The following RPN1 variants were observed in gnomAD, a reference collection of about 807,000 sequenced individuals.
RPN1 encodes the protein ribophorin I.
A neutral mutation model predicts 55.5 loss-of-function variants in RPN1; 12 were observed. The ratio of observed to expected loss-of-function variants is 0.22; its 90% CI spans 0.14 to 0.35. The LOEUF (loss-of-function observed/expected upper bound fraction) is 0.35. RPN1 is among the 10% of genes least tolerant of loss of function. The probability of loss-of-function intolerance (pLI) is 1.00; values close to 1 mark genes in which losing one functional copy is unlikely to be tolerated. For missense variants in RPN1, 679 were observed against 761.3 expected (o/e 0.89, Z 1.27); for synonymous variants, 317 against 305.9 (o/e 1.04, Z -0.38).
At chr3:128,642,959 G>A (rs972261569) in intron 2 of RPN1, among the ~76,000 whole-genome samples, 1 of 151,920 alleles carries the variant, frequency 6.6e-6, no homozygotes, top group African/African-American at 2.4e-5. Context: ...GGAGGTTGCA[G>A]TGAGCCGAGA....
chr3:128,631,544 C>G (rs990481291), intron 4 of RPN1, among the ~76,000 whole-genome samples: 2 of 151,716 alleles, frequency 1.3e-5, no homozygotes, highest in African/African-American at 4.8e-5. Context: ...GAGTTCAAGA[C>G]CAGCCTGGCC....
intron 4 of RPN1, among the ~76,000 whole-genome samples, chr3:128,631,319 CA>C (rs1213956584): frequency 6.8e-6 from 1 of 147,820 alleles, no homozygotes; most frequent in Non-Finnish European, 1.5e-5. Flanking sequence ...ACTAAAAATA[CA>C]AAAAAAAATT....
intron 3 of RPN1, among the ~76,000 whole-genome samples, chr3:128,637,100 T>C (rs1025204797): frequency 1.3e-5 from 2 of 151,970 alleles, no homozygotes; most frequent in Non-Finnish European, 2.9e-5. Flanking sequence ...TAACTGGGCA[T>C]GGTGACGCAC....
intron 1 of RPN1, among the ~76,000 whole-genome samples, 187 bp downstream of exon 1, chr3:128,650,352 CG>C (rs1038221132): frequency 6.6e-6 from 1 of 152,148 alleles, no homozygotes; most frequent in African/African-American, 2.4e-5. Context: ...GCGGAGGCGC[CG>C]GGGCCCCTGG....
chr3:128,624,046 C>A (rs1466018401), intron 8 of RPN1, among the ~76,000 whole-genome samples: 1 of 151,972 alleles, frequency 6.6e-6, no homozygotes, highest in Non-Finnish European at 1.5e-5. Context: ...GCCCCCGCCC[C>A]CCCGCATCTC....
At chr3:128,634,752 G>A (rs978568683) in intron 3 of RPN1, among the ~76,000 whole-genome samples, 4 of 151,788 alleles carry the variant, frequency 2.6e-5, no homozygotes, top group African/African-American at 7.3e-5. Context: ...TAGTAGAGAC[G>A]GGGTTTCACC....
chr3:128,631,158 C>T (rs1239063980), intron 4 of RPN1, among the ~76,000 whole-genome samples: 8 of 149,460 alleles, frequency 5.4e-5, no homozygotes, highest in Admixed American at 4.7e-4. Flanking sequence ...TGGTGGCTCA[C>T]GCCTGTAATC....
intron 1 of RPN1, among the ~76,000 whole-genome samples, chr3:128,648,712 TC>T (rs2069788451): frequency 6.6e-6 from 1 of 152,180 alleles, no homozygotes. Context: ...AGCACATATA[TC>T]CATTTAACTG....
At chr3:128,636,403 G>T (rs1204011933) in intron 3 of RPN1, among the ~76,000 whole-genome samples, 2 of 151,618 alleles carry the variant, frequency 1.3e-5, no homozygotes, top group Non-Finnish European at 2.9e-5. Flanking sequence ...AGAGGTTGCG[G>T]TTAGCTGAGA....
intron 1 of RPN1, among the ~76,000 whole-genome samples, chr3:128,645,578 G>C (rs1045441679): frequency 7.9e-5 from 12 of 152,136 alleles, no homozygotes; most frequent in Non-Finnish European, 1.8e-4. Flanking sequence ...CAACACTTTG[G>C]GAGGCTGAGG....
chr3:128,648,855 C>T (rs1261965273), intron 1 of RPN1, among the ~76,000 whole-genome samples: 1 of 152,196 alleles, frequency 6.6e-6, no homozygotes, highest in Non-Finnish European at 1.5e-5. Flanking sequence ...TGTGAGAACA[C>T]ACAACTTACG....
At chr3:128,636,018 A>C (rs1401244740) in intron 3 of RPN1, among the ~76,000 whole-genome samples, 5 of 152,068 alleles carry the variant, frequency 3.3e-5, no homozygotes, top group African/African-American at 1.2e-4. Flanking sequence ...TTGTTATATG[A>C]TTTTGTTACA....
At chr3:128,642,386 T>C (rs1363101556) in intron 2 of RPN1, 1 of 152,058 alleles carries the variant, frequency 6.6e-6, no homozygotes, top group Non-Finnish European at 1.5e-5. Flanking sequence ...AAGACAACTA[T>C]GAAGATAACA....
rs2069755847 is a variant in RPN1, at chr3:128,644,969, ATCT to A, written c.273_275del (p.Glu91del). The stretch of plus-strand genomic sequence containing the variant: ...GTACTTCCAAATTGTTCTCTTCCTC[ATCT>A]TCTCCCTTTACCTACAACAGAAAAA... On this transcript the variant is annotated inframe_deletion, in exon 2 of 10. Transcript: ENST00000296255. The A allele has an allele frequency of 2.5e-6, 4 of 1,573,732 alleles. No homozygotes were observed. The highest frequency in any genetic ancestry group is 2.2e-5 in the East Asian group (1 of 44,700).
chr3:128,646,424 T>C (rs1367859655), intron 1 of RPN1, among the ~76,000 whole-genome samples: 2 of 152,184 alleles, frequency 1.3e-5, no homozygotes, highest in East Asian at 3.9e-4. Flanking sequence ...GGCTCACGCC[T>C]GTAATCCCAG....
At chr3:128,634,645 T>C (rs886505973) in intron 3 of RPN1, among the ~76,000 whole-genome samples, 1 of 150,556 alleles carries the variant, frequency 6.6e-6, no homozygotes, top group African/African-American at 2.4e-5. Context: ...TCACTGCAAC[T>C]TCCACCTCCC....
rs762675522 is a variant in RPN1, at chr3:128,632,138, T to C, written c.653A>G (p.Tyr218Cys). The change falls in exon 4 of 10, where the codon TAT becomes TGT. Residue 218 changes from tyrosine (Y) to cysteine (C), a missense_variant. Physicochemically the swap from Tyr to Cys is radical, Grantham distance 194 (BLOSUM62 -2). Transcript: ENST00000296255. ...GGTCAGGAAAGGGCTGTTGTTCTCA[T>C]AATGTACTTTAAAAGTATCCTGGAA... ...AYSQDTFKVH[Y>C]ENNSPFLTIT... 1 of 1,614,200 alleles carries C rather than the reference T, an allele frequency of 6.2e-7. No individual in the cohort carries two copies. The highest frequency in any genetic ancestry group is 1.1e-5 in the South Asian group (1 of 91,088).
intron 5 of RPN1, among the ~76,000 whole-genome samples, chr3:128,629,561 C>CA (rs997164452): frequency 5.9e-5 from 9 of 151,264 alleles, no homozygotes; most frequent in South Asian, 2.1e-4. Flanking sequence ...GATTCCGTCT[C>CA]AAAAAAAAGA....
Position 128,625,637 on chromosome 3 carries a change from T to C in RPN1, c.1292A>G (p.Asn431Ser), listed in dbSNP as rs2069592904. Residue 431 changes from asparagine to serine, a missense_variant, in exon 8 of 10, where the codon AAC becomes AGC. Coordinates refer to ENST00000296255, the MANE Select transcript of RPN1 (RefSeq NM_002950.4). ...IQDIVVHYTF[N>S]KVLMLQEPLL... ...GGGCTCCTGCAGCATGAGCACCTTGTTGAACGTGTAGTGGACCTGGGAGAA... is the reference window on the plus strand; with the variant it reads ...GGGCTCCTGCAGCATGAGCACCTTGCTGAACGTGTAGTGGACCTGGGAGAA... The C allele has an allele frequency of 6.2e-7, 1 of 1,614,074 alleles. No individual in the cohort carries two copies. Among genetic ancestry groups the C allele is most frequent in the Non-Finnish European group, 8.5e-7 (1 of 1,180,014 alleles).
Sources: allele counts gnomAD v4.1 joint callset (sites outside exome capture counted in the v4.1 genomes callset), GRCh38; gene constraint gnomAD v4.1.1; transcripts MANE v1.5; gene names NCBI Gene and HGNC (gene_info 2026-07-23, HGNC 2026-07-21).